The following DYNC2I1 variants were observed in gnomAD, a reference collection of about 807,000 sequenced individuals.
The protein encoded by DYNC2I1 is cytoplasmic dynein 2 intermediate chain 1.
Under a neutral mutation model 133.4 loss-of-function variants are expected in DYNC2I1, and 89 were observed. The observed-to-expected ratio is 0.67, with a 90% CI of 0.56 to 0.80. The LOEUF (loss-of-function observed/expected upper bound fraction) is 0.80. DYNC2I1 is among the 30% of genes least tolerant of loss of function. DYNC2I1 has a pLI of 0.00. For synonymous variants in DYNC2I1, 504 were observed against 484.3 expected (o/e 1.04, Z -0.54); for missense variants, 1,291 against 1,314.5 (o/e 0.98, Z 0.28).
chr7:158,879,648 G>A, intron 4 of DYNC2I1, 36 bp from the exon 5 acceptor site: 1 of 1,529,294 alleles, frequency 6.5e-7, no homozygotes, highest in South Asian at 1.3e-5. Context: ...CCTATTTGAT[G>A]TGCTCCTGTG....
intron 23 of DYNC2I1, among the ~76,000 whole-genome samples, chr7:158,937,622 G>GGAAAAAAAAAAAAAAAA (rs111410863): frequency 7.3e-5 from 8 of 109,468 alleles, no homozygotes; most frequent in African/African-American, 2.9e-4. Context: ...ACTGTCTCAA[G>GGAAAAAAAAAAAAAAAA]AAAAAAAAAA....
intron 11 of DYNC2I1, among the ~76,000 whole-genome samples, chr7:158,911,214 G>C (rs1847434661): frequency 6.6e-6 from 1 of 152,214 alleles, no homozygotes. Context: ...AAATGAATTA[G>C]TCCTTAGGAA....
intron 21 of DYNC2I1, among the ~76,000 whole-genome samples, chr7:158,932,813 G>C (rs986336366): frequency 6.6e-6 from 1 of 152,144 alleles, no homozygotes; most frequent in African/African-American, 2.4e-5. Context: ...AGGCTAAAGG[G>C]GTAGAACTTA....
At chr7:158,853,656 T>G (rs1584913840), upstream of DYNC2I1, among the ~76,000 whole-genome samples, 1 of 68,190 alleles carries the variant, frequency 1.5e-5, no homozygotes, top group Admixed American at 1.7e-4. Context: ...AGACCAGAGG[T>G]TTTTTTTTTT....
Position 158,914,302 on chromosome 7 carries a change from T to A in DYNC2I1, c.1772T>A (p.Phe591Tyr). Reference sequence around the variant, plus strand: ...ATTGATACTCCAAGGTTATGTAGCTTTCTGCGGGCTGCTTGTCAGGTATAC... The same window carrying A: ...ATTGATACTCCAAGGTTATGTAGCTATCTGCGGGCTGCTTGTCAGGTATAC... ...PKIDTPRLCS[F>Y]LRAACQVMAV... is the part of the protein sequence containing the mutation. The change falls in exon 14 of 25, where the codon TTT becomes TAT. Residue 591 changes from phenylalanine (F) to tyrosine (Y), a missense_variant. By Grantham distance (22) the Phe-to-Tyr change is conservative. Coordinates refer to ENST00000407559, the MANE Select transcript of DYNC2I1 (RefSeq NM_018051.5). The A allele has an allele frequency of 6.2e-7, 1 of 1,612,014 alleles. No individual in the cohort carries two copies. The highest frequency in any genetic ancestry group is 1.1e-5 in the South Asian group (1 of 90,558).
chr7:158,927,557 AT>A (rs35518012), intron 20 of DYNC2I1, among the ~76,000 whole-genome samples: 41,426 of 147,422 alleles, frequency 0.28, 5,686 homozygotes, highest in East Asian at 0.44. Flanking sequence ...TTCTGAATGA[AT>A]TTTTTTTTTT....
rs1585158547 is a variant in DYNC2I1, at chr7:158,917,330, GCC to G, written c.1792-1408_1792-1407del. Reference sequence around the variant, plus strand: ...TGTGAGACGTCACTAAACACCCCCTGCCCTCCACACTCCACCCTCCACCTCTC... The same window carrying G: ...TGTGAGACGTCACTAAACACCCCCTGCTCCACACTCCACCCTCCACCTCTC... On this transcript the variant is annotated intron_variant, in intron 14 of 24. Coordinates refer to ENST00000407559, the MANE Select transcript of DYNC2I1 (RefSeq NM_018051.5). Among the ~76,000 whole-genome samples the G allele has an allele frequency of 2.0e-5, 3 of 151,870 alleles. No individual in the cohort carries two copies. The East Asian group carries it at 5.8e-4, about 29-fold the overall frequency.
At chr7:158,942,781 C>T (rs1347842034) in intron 24 of DYNC2I1, among the ~76,000 whole-genome samples, 4 of 152,202 alleles carry the variant, frequency 2.6e-5, no homozygotes, top group African/African-American at 4.8e-5. Context: ...AGCCCAGGCC[C>T]CTCGAGGGGC....
chr7:158,924,251 T>A (rs930027970), intron 17 of DYNC2I1, among the ~76,000 whole-genome samples: 11 of 152,352 alleles, frequency 7.2e-5, no homozygotes, highest in African/African-American at 2.6e-4. Flanking sequence ...TTAATTCCCC[T>A]GATAGCCCTG....
chr7:158,866,623 A>G (rs933274735), intron 1 of DYNC2I1, among the ~76,000 whole-genome samples: 2 of 151,720 alleles, frequency 1.3e-5, no homozygotes, highest in African/African-American at 4.8e-5. Context: ...GGTGGCTCAC[A>G]ACTGCAATTC....
chr7:158,944,674 A>G (rs73514556), intron 24 of DYNC2I1, among the ~76,000 whole-genome samples: 5,450 of 152,152 alleles, frequency 0.036, 314 homozygotes, highest in African/African-American at 0.12. Flanking sequence ...GTCAGGTTGG[A>G]TGTGATTTTC....
At chr7:158,898,976 A>G (rs998612247) in intron 8 of DYNC2I1, among the ~76,000 whole-genome samples, 3 of 151,982 alleles carry the variant, frequency 2.0e-5, no homozygotes, top group Non-Finnish European at 4.4e-5. Context: ...CCTTGCTGTC[A>G]TTCATTTTAC....
At chr7:158,913,202 CTG>C in intron 13 of DYNC2I1, 106 bp downstream of exon 13, 1 of 882,000 alleles carries the variant, frequency 1.1e-6, no homozygotes, top group Non-Finnish European at 1.7e-6. Context: ...TCTTTCTCTT[CTG>C]TATGGTTGTT....
intron 4 of DYNC2I1, among the ~76,000 whole-genome samples, chr7:158,878,489 A>G (rs1315408643): frequency 0.015 from 304 of 19,936 alleles, no homozygotes; most frequent in South Asian, 0.022. Context: ...TGCCATGTGG[A>G]GGGGCCAGGA....
intron 17 of DYNC2I1, among the ~76,000 whole-genome samples, chr7:158,925,815 G>C (rs1045896141): frequency 6.6e-6 from 1 of 152,142 alleles, no homozygotes; most frequent in Non-Finnish European, 1.5e-5. Context: ...CTGCCTCCCA[G>C]CTCCTTCCCC....
At chr7:158,864,210 T>G (rs1842199323) in intron 1 of DYNC2I1, among the ~76,000 whole-genome samples, 1 of 152,024 alleles carries the variant, frequency 6.6e-6, no homozygotes, top group South Asian at 2.1e-4. Context: ...GCCTAAACAT[T>G]TAAAGGAGCT....
At chr7:158,924,980 T>C (rs1849472265) in intron 17 of DYNC2I1, among the ~76,000 whole-genome samples, 1 of 152,234 alleles carries the variant, frequency 6.6e-6, no homozygotes, top group South Asian at 2.1e-4. Flanking sequence ...GGTCTTGAAC[T>C]CCTGACTTCA....
intron 11 of DYNC2I1, among the ~76,000 whole-genome samples, chr7:158,910,931 G>C (rs905036921): frequency 2.7e-5 from 4 of 150,710 alleles, no homozygotes; most frequent in African/African-American, 7.3e-5. Flanking sequence ...GAGTGCGATT[G>C]GCTGTGTCAG....
At chr7:158,954,448 C>T (rs1447625498) in intron 4 of DYNC2I1, among the ~76,000 whole-genome samples, 1 of 152,146 alleles carries the variant, frequency 6.6e-6, no homozygotes, top group Admixed American at 6.5e-5. Context: ...AGCTCAAGAC[C>T]AGCCTTTTGG....
Sources: allele counts gnomAD v4.1 joint callset (sites outside exome capture counted in the v4.1 genomes callset), GRCh38; gene constraint gnomAD v4.1.1; transcripts MANE v1.5; gene names NCBI Gene and HGNC (gene_info 2026-07-23, HGNC 2026-07-21).